Variants in RBFOX1 observed in about 807,000 individuals in gnomAD.
The protein encoded by RBFOX1 is RNA binding fox-1 homolog 1, also known as RNA binding protein fox-1 homolog 1.
A neutral mutation model predicts 57.7 loss-of-function variants in RBFOX1; 8 were observed. The observed-to-expected ratio is 0.14, with a 90% CI of 0.08 to 0.25. The LOEUF (loss-of-function observed/expected upper bound fraction) is 0.25, where lower values mean the gene tolerates loss of function less well. Among genes scored for constraint, RBFOX1 ranks in the 10% least tolerant of loss-of-function variants. The probability of loss-of-function intolerance (pLI) is 1.00; values close to 1 mark genes in which losing one functional copy is unlikely to be tolerated. For synonymous variants in RBFOX1, 326 were observed against 222.4 expected (o/e 1.47, Z -4.15); for missense variants, 611 against 548.5 (o/e 1.11, Z -1.14).
intron 3 of RBFOX1, among the ~76,000 whole-genome samples, chr16:6,784,319 T>TC (rs1418967257): frequency 6.6e-6 from 1 of 152,146 alleles, no homozygotes; most frequent in Admixed American, 6.5e-5. Context: ...CTTCTTTTTT[T>TC]CTCTACAGAC....
intron 4 of RBFOX1, among the ~76,000 whole-genome samples, chr16:7,265,286 T>G (rs1227194314): frequency 6.6e-6 from 1 of 151,608 alleles, no homozygotes; most frequent in Non-Finnish European, 1.5e-5. Flanking sequence ...TATCATGTGG[T>G]CTCGGTGGCT....
intron 2 of RBFOX1, chr16:6,483,355 C>G (rs1009025918): frequency 6.0e-6 from 9 of 1,493,928 alleles, no homozygotes; most frequent in East Asian, 2.5e-5. Flanking sequence ...CCAGGCAGCC[C>G]GGGCGAGCGA....
At chr16:6,620,650 A>C (rs1327401352) in intron 2 of RBFOX1, among the ~76,000 whole-genome samples, 1 of 152,208 alleles carries the variant, frequency 6.6e-6, no homozygotes, top group East Asian at 1.9e-4. Flanking sequence ...AGTAAACATA[A>C]TCAGAAATGA....
intron 1 of RBFOX1, among the ~76,000 whole-genome samples, chr16:5,247,548 A>G (rs1015787161): frequency 2.0e-5 from 3 of 152,176 alleles, no homozygotes; most frequent in African/African-American, 7.2e-5. Flanking sequence ...ACGCTGTAGC[A>G]GAGGAGGCAG....
At chr16:7,549,545 C>G (rs1181897733) in intron 5 of RBFOX1, among the ~76,000 whole-genome samples, 4 of 152,144 alleles carry the variant, frequency 2.6e-5, no homozygotes, top group Non-Finnish European at 2.9e-5. Flanking sequence ...GGAAGCCAGT[C>G]CGAGTCCTAG....
chr16:5,705,311 G>C (rs2051201266), intron 3 of RBFOX1, among the ~76,000 whole-genome samples: 1 of 152,062 alleles, frequency 6.6e-6, no homozygotes, highest in African/African-American at 2.4e-5. Flanking sequence ...GTCCAGGCTA[G>C]GGTGCAGTGG....
intron 3 of RBFOX1, among the ~76,000 whole-genome samples, chr16:6,942,834 G>C (rs1042532499): frequency 6.6e-6 from 1 of 152,188 alleles, no homozygotes; most frequent in Admixed American, 6.5e-5. Context: ...ACCCTGAACA[G>C]GTTTTGAGGA....
intron 2 of RBFOX1, among the ~76,000 whole-genome samples, chr16:5,542,841 C>T (rs189222933): frequency 7.2e-5 from 11 of 152,286 alleles, no homozygotes; most frequent in African/African-American, 2.6e-4. Flanking sequence ...GGTTCAATGT[C>T]CACTCAATGA....
intron 1 of RBFOX1, among the ~76,000 whole-genome samples, chr16:6,298,489 C>G (rs531760899): frequency 6.6e-6 from 1 of 152,330 alleles, no homozygotes; most frequent in African/African-American, 2.4e-5. Flanking sequence ...TAAGTTTTCA[C>G]AATAATCAGA....
chr16:5,461,757 G>T (rs1020009573), intron 1 of RBFOX1, among the ~76,000 whole-genome samples: 1 of 152,174 alleles, frequency 6.6e-6, no homozygotes, highest in Non-Finnish European at 1.5e-5. Flanking sequence ...AGGGTGGATG[G>T]ATGGCCCTGT....
chr16:6,328,574 C>T (rs1045399382), intron 2 of RBFOX1, among the ~76,000 whole-genome samples: 2 of 152,148 alleles, frequency 1.3e-5, no homozygotes, highest in Admixed American at 6.5e-5. Context: ...GTAGAAAATG[C>T]ACAGCCTTGG....
At chr16:6,064,677 A>G (rs957519521) in intron 1 of RBFOX1, among the ~76,000 whole-genome samples, 4 of 152,102 alleles carry the variant, frequency 2.6e-5, no homozygotes, top group African/African-American at 9.7e-5. Context: ...AGTAGCTGAG[A>G]CTACAGGTGC....
chr16:6,232,084 G>A lies in RBFOX1; in HGVS notation c.-126-84911G>A, dbSNP rs1275637858. ...TGCCCTATTCCTCCGTGAGCTTTGTGTTTCCCAGAATAATCATGCTGATCC... is the reference window on the plus strand; with the variant it reads ...TGCCCTATTCCTCCGTGAGCTTTGTATTTCCCAGAATAATCATGCTGATCC... On this transcript the variant is annotated intron_variant, in intron 1 of 15. Coordinates refer to ENST00000550418, the MANE Select transcript of RBFOX1 (RefSeq NM_018723.4). Among the ~76,000 whole-genome samples, 5 of 152,220 alleles carry A rather than the reference G, an allele frequency of 3.3e-5. No homozygotes were observed. The East Asian group carries it at 7.7e-4, about 24-fold the overall frequency.
intron 4 of RBFOX1, among the ~76,000 whole-genome samples, chr16:7,378,248 G>A (rs146810598): frequency 4.3e-4 from 65 of 152,248 alleles, no homozygotes; most frequent in Admixed American, 3.1e-3. Context: ...TCCTGATCTC[G>A]AGCCTTTTCC....
intron 1 of RBFOX1, among the ~76,000 whole-genome samples, chr16:6,204,302 G>A (rs2152835617): frequency 6.6e-6 from 1 of 152,196 alleles, no homozygotes; most frequent in South Asian, 2.1e-4. Flanking sequence ...GTAATTTCAT[G>A]AGTCAATGTT....
chr16:7,507,665 G>A (rs906863949), intron 4 of RBFOX1, among the ~76,000 whole-genome samples: 23 of 146,970 alleles, frequency 1.6e-4, no homozygotes, highest in African/African-American at 5.5e-4. Flanking sequence ...CCGGGTTCAC[G>A]CCATTCTTCT....
intron 2 of RBFOX1, among the ~76,000 whole-genome samples, chr16:5,479,545 G>A (rs899205041): frequency 6.6e-6 from 1 of 152,118 alleles, no homozygotes; most frequent in Non-Finnish European, 1.5e-5. Context: ...GATGACCTGA[G>A]GTCAGGAGTT....
chr16:6,101,210 C>A (rs548100612), intron 1 of RBFOX1, among the ~76,000 whole-genome samples: 2 of 152,226 alleles, frequency 1.3e-5, no homozygotes, highest in East Asian at 3.9e-4. Flanking sequence ...GTCTCCGGAC[C>A]CACTCTCTCA....
At chr16:6,372,363 A>C (rs1277820318) in intron 2 of RBFOX1, among the ~76,000 whole-genome samples, 1 of 147,330 alleles carries the variant, frequency 6.8e-6, no homozygotes, top group Non-Finnish European at 1.5e-5. Context: ...GGATGGAAGG[A>C]TGGTTGGTTA....
Sources: allele counts gnomAD v4.1 joint callset (sites outside exome capture counted in the v4.1 genomes callset), GRCh38; gene constraint gnomAD v4.1.1; transcripts MANE v1.5; gene names NCBI Gene and HGNC (gene_info 2026-07-23, HGNC 2026-07-21).